MAGI3: variants seen among roughly 807,000 people sequenced by gnomAD.
MAGI3 encodes membrane-associated guanylate kinase, WW and PDZ domain-containing protein 3.
Under a neutral mutation model 121.8 loss-of-function variants are expected in MAGI3, and 43 were observed. The observed-to-expected ratio is 0.35, with a 90% CI of 0.28 to 0.46. The LOEUF is 0.46. Among genes scored for constraint, MAGI3 ranks in the 20% least tolerant of loss-of-function variants. The pLI is 1.00. For missense variants in MAGI3, 1,547 were observed against 1,797.3 expected, an observed-to-expected ratio of 0.86 and a Z score of 2.52; for synonymous variants, 553 against 639.3, an observed-to-expected ratio of 0.86 and a Z score of 2.04.
chr1:113,631,844 C>G (rs914972560), intron 9 of MAGI3, among the ~76,000 whole-genome samples: 3 of 152,078 alleles, frequency 2.0e-5, no homozygotes, highest in African/African-American at 4.8e-5. Context: ...TTTCCTAAAG[C>G]CTTTACTTGG....
At position 113,538,221 on chromosome 1, in the gene MAGI3, G is replaced by T. The variant is rs190088999; in HGVS notation, c.317-11294G>T. On this transcript the variant is annotated intron_variant, in intron 1 of 20. Transcript: ENST00000307546. ...TTTGGGTCAATATTCCCTTTCAGCT[G>T]TCTCTTTATTAGCTGTTGTAATGAA... 1.3e-4 allele frequency among the ~76,000 whole-genome samples: 20 copies of T among 152,280 alleles called. No homozygotes were observed. The East Asian group carries it at 3.7e-3, about 28-fold the overall frequency.
At chr1:113,401,105 T>G (rs918261056) in intron 1 of MAGI3, among the ~76,000 whole-genome samples, 7 of 152,200 alleles carry the variant, frequency 4.6e-5, no homozygotes, top group African/African-American at 1.7e-4. Flanking sequence ...GATATTATCA[T>G]CTTCCTTTAC....
At chr1:113,613,430 T>C (rs1395006975) in intron 6 of MAGI3, among the ~76,000 whole-genome samples, 1 of 152,220 alleles carries the variant, frequency 6.6e-6, no homozygotes, top group Admixed American at 6.5e-5. Context: ...TCTTTTCTTA[T>C]ATTCTGAATG....
chr1:113,466,739 G>T (rs77769352), intron 1 of MAGI3, among the ~76,000 whole-genome samples: 186 of 152,154 alleles, frequency 1.2e-3, no homozygotes, highest in African/African-American at 4.4e-3. Flanking sequence ...CTCATTTCTT[G>T]TAGGTTTTTC....
At chr1:113,535,263 A>G (rs754704382) in intron 1 of MAGI3, among the ~76,000 whole-genome samples, 3 of 152,172 alleles carry the variant, frequency 2.0e-5, no homozygotes, top group Non-Finnish European at 4.4e-5. Context: ...GAAGCTTTAT[A>G]GATTTCTAAA....
intron 1 of MAGI3, among the ~76,000 whole-genome samples, chr1:113,519,210 G>A (rs1273379151): frequency 6.6e-6 from 1 of 152,076 alleles, no homozygotes; most frequent in African/African-American, 2.4e-5. Context: ...GTGGAAATGA[G>A]ATTTCTTAAG....
chr1:113,569,137 A>G (rs552975344), intron 2 of MAGI3, among the ~76,000 whole-genome samples: 44 of 152,272 alleles, frequency 2.9e-4, no homozygotes, highest in African/African-American at 1.0e-3. Flanking sequence ...TTCCTCAGCA[A>G]GCTAATGTTT....
Position 113,642,183 on chromosome 1 carries a change from G to A in MAGI3, c.1633G>A (p.Gly545Arg), listed in dbSNP as rs2101824085. Residue 545 changes from glycine (G) to arginine (R), a missense_variant, in exon 10 of 21, where the codon GGA becomes AGA. By Grantham distance (125) the Gly-to-Arg change is moderately radical. Coordinates refer to ENST00000307546, the MANE Select transcript of MAGI3 (RefSeq NM_001142782.2). ...AMVLEQNGKS[G>R]HTLTGDGLNG... ...GGTTCTGGAGCAGAATGGAAAATCG[G>A]GACACACTTTGACTGGTGATGGTCT... 1.2e-6 allele frequency: 2 copies of A among 1,614,100 alleles called. No homozygotes were observed. The highest frequency in any genetic ancestry group is 2.2e-5 in the East Asian group (1 of 44,872).
At chr1:113,531,191 A>G (rs1236215427) in intron 1 of MAGI3, among the ~76,000 whole-genome samples, 2 of 152,160 alleles carry the variant, frequency 1.3e-5, no homozygotes, top group Non-Finnish European at 2.9e-5. Flanking sequence ...TTATTGAGAA[A>G]TAAGTAATAA....
chr1:113,643,756 A>G lies in MAGI3; in HGVS notation c.1980A>G (p.Pro660=). The G allele has an allele frequency of 6.2e-7, 1 of 1,613,950 alleles. No individual in the cohort carries two copies. The highest frequency in any genetic ancestry group is 8.5e-7 in the Non-Finnish European group (1 of 1,179,912). Residue 660 remains proline (P), a synonymous_variant, in exon 11 of 21, where the codon CCA becomes CCG. Transcript: ENST00000307546. Reference sequence around the variant, plus strand: ...TTTTTTTTTAAGGTCCTCCTTCACCAACCAAAACTGCCAAAATGGTGAGTA... The same window carrying G: ...TTTTTTTTTAAGGTCCTCCTTCACCGACCAAAACTGCCAAAATGGTGAGTA... The part of the protein sequence containing the change: ...LLILRGGPPS[P]TKTAKMKTDK...
chr1:113,543,453 C>T (rs1391228226), intron 1 of MAGI3, among the ~76,000 whole-genome samples: 1 of 152,180 alleles, frequency 6.6e-6, no homozygotes, highest in African/African-American at 2.4e-5. Flanking sequence ...GTTGAAGAAA[C>T]ACAGTTTAAC....
intron 1 of MAGI3, among the ~76,000 whole-genome samples, chr1:113,520,365 G>T (rs1270464741): frequency 6.6e-6 from 1 of 151,874 alleles, no homozygotes; most frequent in Non-Finnish European, 1.5e-5. Context: ...AATGAATCAG[G>T]CATGATTCCT....
At chr1:113,440,968 T>A (rs1653883094) in intron 1 of MAGI3, among the ~76,000 whole-genome samples, 1 of 152,158 alleles carries the variant, frequency 6.6e-6, no homozygotes, top group South Asian at 2.1e-4. Flanking sequence ...ATGCTGCTTC[T>A]GTTACTTCTG....
At chr1:113,562,886 G>A (rs1037917440) in intron 2 of MAGI3, among the ~76,000 whole-genome samples, 1 of 152,150 alleles carries the variant, frequency 6.6e-6, no homozygotes, top group Admixed American at 6.5e-5. Flanking sequence ...CTGGTAAATT[G>A]TTCTGAATAT....
At chr1:113,550,345 G>A (rs1659723428) in intron 2 of MAGI3, among the ~76,000 whole-genome samples, 1 of 150,770 alleles carries the variant, frequency 6.6e-6, no homozygotes, top group Non-Finnish European at 1.5e-5. Flanking sequence ...GAACCCGGGA[G>A]GCGGAGCTTG....
intron 1 of MAGI3, among the ~76,000 whole-genome samples, chr1:113,445,566 C>T (rs1654138829): frequency 6.6e-6 from 1 of 152,048 alleles, no homozygotes; most frequent in African/African-American, 2.4e-5. Context: ...ATTATGCCAC[C>T]ACACTCCAGC....
chr1:113,429,032 A>T (rs1570662700), intron 1 of MAGI3, among the ~76,000 whole-genome samples: 1 of 152,288 alleles, frequency 6.6e-6, no homozygotes, highest in Non-Finnish European at 1.5e-5. Flanking sequence ...ATTCTATTCT[A>T]TTGTCAGTCT....
chr1:113,532,024 G>A (rs915087609), intron 1 of MAGI3, among the ~76,000 whole-genome samples: 1 of 151,936 alleles, frequency 6.6e-6, no homozygotes, highest in Non-Finnish European at 1.5e-5. Flanking sequence ...AAACATCAGT[G>A]GTTCTTTTAA....
intron 1 of MAGI3, among the ~76,000 whole-genome samples, chr1:113,473,346 G>A (rs537590469): frequency 1.7e-3 from 254 of 152,056 alleles, no homozygotes; most frequent in African/African-American, 5.9e-3. Context: ...GTGCCATGTT[G>A]GTTTGCTGCA....
Sources: allele counts gnomAD v4.1 joint callset (sites outside exome capture counted in the v4.1 genomes callset), GRCh38; gene constraint gnomAD v4.1.1; transcripts MANE v1.5; gene names NCBI Gene and HGNC (gene_info 2026-07-23, HGNC 2026-07-21).